Variants in GPHN observed in about 807,000 individuals in gnomAD.
GPHN encodes the protein gephyrin.
GPHN carries 17 observed loss-of-function variants against 95.5 expected under a neutral mutation model. The observed-to-expected ratio is 0.18, with a 90% CI of 0.12 to 0.27. The LOEUF (loss-of-function observed/expected upper bound fraction) is 0.27, where lower values mean the gene tolerates loss of function less well. Ranked by LOEUF, GPHN falls within the 10% of genes least tolerant of loss-of-function variation. The probability of loss-of-function intolerance (pLI) is 1.00; values close to 1 mark genes in which losing one functional copy is unlikely to be tolerated. For synonymous variants in GPHN, 320 were observed against 322.5 expected, an observed-to-expected ratio of 0.99 and a Z score of 0.08; for missense variants, 660 against 978.1, an observed-to-expected ratio of 0.67 and a Z score of 4.34.
At chr14:67,134,912 C>CTCTCTTTCTTTCTCTCTTTTTT (rs2079958040) in intron 17 of GPHN, among the ~76,000 whole-genome samples, 1 of 114,164 alleles carries the variant, frequency 8.8e-6, no homozygotes, top group Non-Finnish European at 1.9e-5. Context: ...TTTCCTTTCT[C>CTCTCTTTCTTTCTCTCTTTTTT]TCTCTTTCTT....
chr14:66,844,586 G>A (rs1177564307), intron 4 of GPHN, among the ~76,000 whole-genome samples: 1 of 152,062 alleles, frequency 6.6e-6, no homozygotes, highest in African/African-American at 2.4e-5. Flanking sequence ...ATCTAAAGAG[G>A]TGATAGATTT....
the GPHN span, among the ~76,000 whole-genome samples, chr14:67,452,373 T>A: frequency 2.4e-4 from 37 of 152,102 alleles, no homozygotes; most frequent in Non-Finnish European, 1.5e-5. Context: ...CAAGGTTTTT[T>A]TTTGCTTGTC....
intron 9 of GPHN, among the ~76,000 whole-genome samples, chr14:67,013,704 A>G (rs1038859829): frequency 6.6e-6 from 1 of 152,018 alleles, no homozygotes; most frequent in African/African-American, 2.4e-5. Flanking sequence ...TAAAGTCACA[A>G]CTTTTTCAAT....
At chr14:66,699,385 T>G (rs2068353821) in intron 2 of GPHN, among the ~76,000 whole-genome samples, 1 of 151,756 alleles carries the variant, frequency 6.6e-6, no homozygotes, top group African/African-American at 2.4e-5. Flanking sequence ...GAAAATAATT[T>G]AAAAATAATA....
the GPHN span, among the ~76,000 whole-genome samples, chr14:67,661,499 G>T: frequency 6.9e-6 from 1 of 145,610 alleles, no homozygotes; most frequent in Non-Finnish European, 1.5e-5. Flanking sequence ...TACATTTTCT[G>T]TGACAGTAGG....
At chr14:67,208,428 C>T in the GPHN span, 477 of 1,613,674 alleles carry the variant, frequency 3.0e-4, no homozygotes, top group African/African-American at 5.8e-3. Context: ...CAGAGCACAG[C>T]TCTCAAGGCT....
chr14:67,405,045 C>A, the GPHN span, among the ~76,000 whole-genome samples: 1 of 151,352 alleles, frequency 6.6e-6, no homozygotes, highest in Admixed American at 6.6e-5. Context: ...ACCACCGTGG[C>A]CAACATGGCG....
At chr14:66,764,561 T>C (rs1226523777) in intron 2 of GPHN, among the ~76,000 whole-genome samples, 6 of 152,128 alleles carry the variant, frequency 3.9e-5, no homozygotes, top group Admixed American at 6.6e-5. Context: ...CTAGGTAAAC[T>C]GACTCTAGAT....
At chr14:66,545,743 C>A (rs866841287) in intron 1 of GPHN, among the ~76,000 whole-genome samples, 2 of 145,924 alleles carry the variant, frequency 1.4e-5, no homozygotes, top group South Asian at 2.2e-4. Flanking sequence ...GGGCTGACCC[C>A]CCCACCTCCC....
the GPHN span, among the ~76,000 whole-genome samples, chr14:67,674,027 G>C: frequency 8.5e-5 from 13 of 152,268 alleles, no homozygotes; most frequent in African/African-American, 3.1e-4. Flanking sequence ...CCTGTCTTGA[G>C]ACTAGTGCTT....
chr14:66,834,853 T>A lies in GPHN; in HGVS notation c.294+10287T>A, dbSNP rs577818185. On this transcript the variant is annotated intron_variant, in intron 4 of 22. Coordinates refer to ENST00000478722, the MANE Select transcript of GPHN (RefSeq NM_020806.5). Reference sequence around the variant, plus strand: ...TGGTACCAGTTCCTCCTTGTACCTCTGGTAGAATTCGGCTGTGAATCCATC... The same window carrying A: ...TGGTACCAGTTCCTCCTTGTACCTCAGGTAGAATTCGGCTGTGAATCCATC... Among the ~76,000 whole-genome samples, 11 of 141,538 alleles carry A rather than the reference T, an allele frequency of 7.8e-5. No individual in the cohort carries two copies. The South Asian group carries it at 9.7e-4, about 13-fold the overall frequency. 92.9% of individuals were successfully genotyped at this position (141,538 alleles called of 152,430 possible). A position where few individuals can be genotyped will look rare whatever the true frequency, so the allele number is the denominator to read the frequency against.
the GPHN span, among the ~76,000 whole-genome samples, chr14:67,358,649 CT>C: frequency 6.6e-6 from 1 of 152,284 alleles, no homozygotes; most frequent in African/African-American, 2.4e-5. Context: ...GCTGTGAGCT[CT>C]GATCATACCA....
the GPHN span, among the ~76,000 whole-genome samples, chr14:67,508,135 CAAA>C: frequency 1.5e-5 from 2 of 130,630 alleles, no homozygotes; most frequent in African/African-American, 3.0e-5. Flanking sequence ...AACTCCATCT[CAAA>C]AAAAAAAAAA....
At chr14:66,954,223 G>A (rs1159107131) in intron 8 of GPHN, among the ~76,000 whole-genome samples, 1 of 152,042 alleles carries the variant, frequency 6.6e-6, no homozygotes, top group Non-Finnish European at 1.5e-5. Context: ...GATAGCTTTG[G>A]GCAGTATTAC....
chr14:67,729,233 G>T, the GPHN span: 2 of 1,611,106 alleles, frequency 1.2e-6, no homozygotes, highest in South Asian at 2.2e-5. Flanking sequence ...GGCGTCGTCC[G>T]CTCTGAGCTG....
chr14:67,251,419 G>A, the GPHN span, among the ~76,000 whole-genome samples: 5 of 152,112 alleles, frequency 3.3e-5, no homozygotes, highest in Admixed American at 3.3e-4. Flanking sequence ...TGTGGTCCCA[G>A]CTACTCAGGA....
At chr14:66,912,249 C>T (rs925383932) in intron 5 of GPHN, among the ~76,000 whole-genome samples, 27 of 151,920 alleles carry the variant, frequency 1.8e-4, no homozygotes, top group African/African-American at 6.5e-4. Context: ...TTGTACATGC[C>T]CTTTTCTCTG....
chr14:67,476,949 A>C, the GPHN span, among the ~76,000 whole-genome samples: 1 of 152,120 alleles, frequency 6.6e-6, no homozygotes, highest in Non-Finnish European at 1.5e-5. Context: ...AAAATGATGA[A>C]ACCCTGTCTC....
Position 67,029,747 on chromosome 14 carries a change from C to T in GPHN, c.1006+6072C>T, listed in dbSNP as rs1049120306. Among the ~76,000 whole-genome samples, 27 of 152,226 alleles carry T rather than the reference C, an allele frequency of 1.8e-4. No individual in the cohort carries two copies. In the South Asian group the frequency reaches 2.7e-3, roughly 15 times the overall value. On this transcript the variant is annotated intron_variant, in intron 10 of 22. Coordinates refer to ENST00000478722, the MANE Select transcript of GPHN (RefSeq NM_020806.5). ...TAAGCTTTAAAATACACTAGTCTTA[C>T]GTAAATTTATCAGATAATTTGGCTG...
Sources: allele counts gnomAD v4.1 joint callset (sites outside exome capture counted in the v4.1 genomes callset), GRCh38; gene constraint gnomAD v4.1.1; transcripts MANE v1.5; gene names NCBI Gene and HGNC (gene_info 2026-07-23, HGNC 2026-07-21).